The following NUP50 variants were observed in gnomAD, a reference collection of about 807,000 sequenced individuals.
NUP50 encodes the protein nuclear pore complex protein Nup50.
Under a neutral mutation model 36.8 loss-of-function variants are expected in NUP50, and 14 were observed. The observed-to-expected ratio is 0.38, with a 90% CI of 0.25 to 0.59. The LOEUF is 0.59. Among genes scored for constraint, NUP50 ranks in the 20% least tolerant of loss-of-function variants. The pLI is 0.63. For synonymous variants in NUP50, 195 were observed against 210.8 expected (o/e 0.93, Z 0.65); for missense variants, 455 against 564.6 (o/e 0.81, Z 1.97).
intron 2 of NUP50, among the ~76,000 whole-genome samples, chr22:45,169,702 G>A (rs1011988074): frequency 9.2e-5 from 14 of 152,216 alleles, no homozygotes; most frequent in Admixed American, 6.5e-4. Context: ...TGTCACGCCC[G>A]CATAAGGGCC....
At chr22:45,169,036 G>A (rs966415491) in intron 2 of NUP50, among the ~76,000 whole-genome samples, 1 of 151,454 alleles carries the variant, frequency 6.6e-6, no homozygotes, top group Non-Finnish European at 1.5e-5. Context: ...CGAGTAGCTG[G>A]GATTACAGGT....
intron 1 of NUP50, among the ~76,000 whole-genome samples, chr22:45,167,228 C>A (rs1012180102): frequency 2.0e-5 from 3 of 152,122 alleles, no homozygotes; most frequent in Non-Finnish European, 4.4e-5. Flanking sequence ...CAAAACTAAT[C>A]AGTAAGTTTT....
chr22:45,180,710 C>T (rs2074354222), intron 5 of NUP50, among the ~76,000 whole-genome samples: 2 of 152,108 alleles, frequency 1.3e-5, no homozygotes, highest in Admixed American at 1.3e-4. Flanking sequence ...GCCTAGGTCT[C>T]CCGTGTTTGG....
intron 7 of NUP50, chr22:45,184,234 G>C (rs1457012862): frequency 7.1e-6 from 4 of 566,922 alleles, no homozygotes; most frequent in Non-Finnish European, 1.3e-5. Flanking sequence ...AGAGACCCGG[G>C]CTGGAGGGAG....
intron 5 of NUP50, chr22:45,180,347 C>T (rs1221552369): frequency 6.6e-6 from 1 of 152,170 alleles, no homozygotes; most frequent in Non-Finnish European, 1.5e-5. Flanking sequence ...CTGCCGTTCT[C>T]TTTAAGAGGA....
intron 2 of NUP50, among the ~76,000 whole-genome samples, chr22:45,168,966 A>C (rs567099656): frequency 2.0e-4 from 29 of 148,690 alleles, no homozygotes; most frequent in African/African-American, 7.2e-4. Context: ...CGGTGGCACA[A>C]CCTCGGCTCA....
chr22:45,183,562 A>T (rs769727564), intron 7 of NUP50, 42 bp downstream of exon 7: 3 of 1,221,118 alleles, frequency 2.5e-6, no homozygotes, highest in Non-Finnish European at 3.7e-6. Flanking sequence ...ATCATCACAT[A>T]GTATATAAAA....
chr22:45,181,374 A>G lies in NUP50; in HGVS notation c.1085+7A>G. ...ATGCTTTTTACTCCAAAAAGTAAGA[A>G]TCCCCACAACCTGCTGGCGCATGTG... On this transcript the variant is annotated splice_region_variant and intron_variant, in intron 6 of 7. Coordinates refer to ENST00000347635, the MANE Select transcript of NUP50 (RefSeq NM_007172.4). 5.1e-6 allele frequency: 8 copies of G among 1,571,432 alleles called. No individual in the cohort carries two copies. Among genetic ancestry groups the G allele is most frequent in the South Asian group, 1.2e-5 (1 of 86,206 alleles).
At chr22:45,183,694 CAT>C in intron 7 of NUP50, 174 bp downstream of exon 7, 1 of 561,014 alleles carries the variant, frequency 1.8e-6, no homozygotes, top group East Asian at 2.9e-5. Context: ...TGTAAGGAAA[CAT>C]AAATGTGTTA....
At chr22:45,181,427 G>A (rs988312714) in intron 6 of NUP50, 60 bp downstream of exon 6, 2 of 1,067,196 alleles carry the variant, frequency 1.9e-6, no homozygotes, top group African/African-American at 3.5e-5. Context: ...CATGCTTCAG[G>A]CTGGAGAATG....
chr22:45,178,161 A>T, intron 4 of NUP50, 77 bp from the exon 5 acceptor site: 1 of 1,315,886 alleles, frequency 7.6e-7, no homozygotes, highest in Non-Finnish European at 1.1e-6. Flanking sequence ...GAAAGTATGA[A>T]GGCAGAGTGG....
At chr22:45,168,069 G>A in intron 1 of NUP50, 99 bp from the exon 2 acceptor site, 3 of 854,628 alleles carry the variant, frequency 3.5e-6, no homozygotes, top group Non-Finnish European at 5.5e-6. Context: ...AAAAACCAGA[G>A]ATGTTTTTAT....
chr22:45,184,654 G>C lies in NUP50; in HGVS notation c.1406G>C (p.Ter469SerextTer32). 6.2e-7 allele frequency: 1 copy of C among 1,611,204 alleles called. No homozygotes were observed. Among genetic ancestry groups the C allele is most frequent in the Non-Finnish European group, 8.5e-7 (1 of 1,178,600 alleles). Reference protein sequence around the residue: ...HKILLEKKDA* With the variant: ...HKILLEKKDAS ...ATTTTACTGGAGAAAAAGGATGCCT[G>C]AACACGCAAAGTCGGCTGCAGAATT... Residue 469 changes from the stop codon to serine (S), a stop_lost, in exon 8 of 8, where the codon TGA becomes TCA. Coordinates refer to ENST00000347635, the MANE Select transcript of NUP50 (RefSeq NM_007172.4).
At chr22:45,168,866 A>C (rs2074137016) in intron 2 of NUP50, among the ~76,000 whole-genome samples, 2 of 151,514 alleles carry the variant, frequency 1.3e-5, no homozygotes, top group Non-Finnish European at 2.9e-5. Flanking sequence ...AGGACTGGGC[A>C]GCATAGAGAG....
At chr22:45,168,142 A>G in intron 1 of NUP50, 26 bp from the exon 2 acceptor site, 1 of 1,515,190 alleles carries the variant, frequency 6.6e-7, no homozygotes, top group Non-Finnish European at 9.0e-7. Context: ...CTAGAAAAAT[A>G]AACTCTTCTG....
Position 45,183,507 on chromosome 22 carries a change from A to G in NUP50, c.1191A>G (p.Ala397=). The part of the protein sequence containing the change: ...ANQKTQLLVR[A]DTNLGNILLN... ...AGAAGACACAGCTTTTGGTGCGGGC[A>G]GACACCAATTTAGGTGGGTACCTTT... Residue 397 remains alanine, a synonymous_variant, in exon 7 of 8, where the codon GCA becomes GCG. Coordinates refer to ENST00000347635, the MANE Select transcript of NUP50 (RefSeq NM_007172.4). 1 of 1,603,674 alleles carries G rather than the reference A, an allele frequency of 6.2e-7. No individual in the cohort carries two copies. The highest frequency in any genetic ancestry group is 2.2e-5 in the East Asian group (1 of 44,828).
rs757432055 is a variant in NUP50, at chr22:45,178,669, A to G, written c.772A>G (p.Lys258Glu). 1.9e-6 allele frequency: 3 copies of G among 1,612,066 alleles called. No homozygotes were observed. The highest frequency in any genetic ancestry group is 2.2e-5 in the South Asian group (2 of 90,992). Residue 258 changes from lysine to glutamate, a missense_variant, in exon 5 of 8, where the codon AAA becomes GAA. Lys to Glu is a moderately conservative substitution (Grantham distance 56). Around this residue, in one of 3 missense-constraint regions of NUP50, gnomAD observed 287 missense variants for 345.5 expected, o/e 0.83. Transcript: ENST00000347635. Reference protein sequence around the residue: ...DKKMEVASEKKTDPSSLGATS... With the variant: ...DKKMEVASEKETDPSSLGATS... Reference sequence around the variant, plus strand: ...GAAGATGGAGGTGGCATCTGAAAAGAAAACGGACCCATCATCACTAGGAGC... The same window carrying G: ...GAAGATGGAGGTGGCATCTGAAAAGGAAACGGACCCATCATCACTAGGAGC...
chr22:45,178,601 C>T lies in NUP50; in HGVS notation c.704C>T (p.Thr235Met), dbSNP rs139267838. 165 of 1,611,828 alleles carry T rather than the reference C, an allele frequency of 1.0e-4. No individual in the cohort carries two copies. The highest frequency in any genetic ancestry group is 6.7e-4 in the East Asian group (30 of 44,890). Residue 235 changes from threonine (T) to methionine (M), a missense_variant, in exon 5 of 8, where the codon ACG (threonine) becomes ATG (methionine). Physicochemically the swap from Thr to Met is moderately conservative, Grantham distance 81. Around this residue, in one of 3 missense-constraint regions of NUP50, gnomAD observed 287 missense variants for 345.5 expected, o/e 0.83. Coordinates refer to ENST00000347635, the MANE Select transcript of NUP50 (RefSeq NM_007172.4). Reference sequence around the variant, plus strand: ...TCAACAAAATTACAGCAAGAGTCAACGTTTTTGTTTCATGGCAACAAAACT... The same window carrying T: ...TCAACAAAATTACAGCAAGAGTCAATGTTTTTGTTTCATGGCAACAAAACT... ...FGSTKLQQES[T>M]FLFHGNKTED...
intron 2 of NUP50, among the ~76,000 whole-genome samples, chr22:45,170,385 C>T (rs1277746756): frequency 1.3e-5 from 2 of 152,182 alleles, no homozygotes; most frequent in African/African-American, 4.8e-5. Flanking sequence ...CGTACCTTAT[C>T]AGCAGTGTGT....
Sources: allele counts gnomAD v4.1 joint callset (sites outside exome capture counted in the v4.1 genomes callset), GRCh38; gene constraint gnomAD v4.1.1; regional missense constraint gnomAD v4.1.1; transcripts MANE v1.5; gene names NCBI Gene and HGNC (gene_info 2026-07-23, HGNC 2026-07-21).